Variants in ITGB5 observed in about 807,000 individuals in gnomAD.
ITGB5 encodes the protein integrin subunit beta 5.
In ITGB5, 38 loss-of-function variants were observed where a neutral mutation model predicts 84.8. The observed-to-expected ratio is 0.45, with a 90% CI of 0.35 to 0.59. ITGB5 has a LOEUF of 0.59. Among genes scored for constraint, ITGB5 ranks in the 20% least tolerant of loss-of-function variants. The pLI is 0.01. For missense variants in ITGB5, 905 were observed against 1,034.5 expected (o/e 0.87, Z 1.72); for synonymous variants, 393 against 414.4 (o/e 0.95, Z 0.63).
At chr3:124,870,005 G>A (rs966538401) in intron 2 of ITGB5, among the ~76,000 whole-genome samples, 3 of 152,144 alleles carry the variant, frequency 2.0e-5, no homozygotes, top group Non-Finnish European at 4.4e-5. Flanking sequence ...TCTCATGCAC[G>A]GATCTCATTT....
At chr3:124,840,952 C>T (rs1037707856) in intron 5 of ITGB5, among the ~76,000 whole-genome samples, 1 of 152,252 alleles carries the variant, frequency 6.6e-6, no homozygotes, top group African/African-American at 2.4e-5. Flanking sequence ...GCGTGAGCCA[C>T]CACGCCCGGC....
At chr3:124,869,943 G>A (rs1186874552) in intron 2 of ITGB5, among the ~76,000 whole-genome samples, 3 of 152,194 alleles carry the variant, frequency 2.0e-5, no homozygotes, top group African/African-American at 4.8e-5. Flanking sequence ...ACTCATGGAT[G>A]ACAGTGGCAG....
chr3:124,817,712 T>A lies in ITGB5; in HGVS notation c.1039-2A>T. 6.4e-7 allele frequency: 1 copy of A among 1,569,866 alleles called. No individual in the cohort carries two copies. The highest frequency in any genetic ancestry group is 8.7e-7 in the Non-Finnish European group (1 of 1,150,964). ...TCCAGGTATCAGGGCTGTAAAATTC[T>A]TGGGAAAAAAAGTAAAGAAAAGAAA... On this transcript the variant is annotated splice_acceptor_variant, in intron 7 of 14. Transcript: ENST00000296181. LOFTEE classifies it high-confidence loss of function.
At chr3:124,788,876 T>C (rs1289721452) in intron 10 of ITGB5, among the ~76,000 whole-genome samples, 2 of 152,328 alleles carry the variant, frequency 1.3e-5, no homozygotes, top group Non-Finnish European at 2.9e-5. Context: ...GAGGTCCCTT[T>C]CCTGGAGATT....
At chr3:124,892,985 A>G (rs957950743) in intron 1 of ITGB5, among the ~76,000 whole-genome samples, 1 of 152,176 alleles carries the variant, frequency 6.6e-6, no homozygotes, top group Non-Finnish European at 1.5e-5. Flanking sequence ...AAGGCACTTA[A>G]TTTACTCTGC....
intron 8 of ITGB5, among the ~76,000 whole-genome samples, chr3:124,816,982 G>A (rs2064607840): frequency 6.6e-6 from 1 of 152,174 alleles, no homozygotes; most frequent in South Asian, 2.1e-4. Context: ...ACTTTGGGAA[G>A]CTGAGGTGGG....
rs2064675358 is a variant in ITGB5, at chr3:124,819,957, C to T, written c.943-123G>A. 9 of 746,074 alleles carry T rather than the reference C, an allele frequency of 1.2e-5. No homozygotes were observed. The East Asian group carries it at 2.0e-4, about 16-fold the overall frequency. 46.2% of individuals were successfully genotyped at this position (746,074 alleles called of 1,614,324 possible). On this transcript the variant is annotated intron_variant, in intron 6 of 14. Coordinates refer to ENST00000296181, the MANE Select transcript of ITGB5 (RefSeq NM_002213.5). ...GAAGCACCTTTTCCTTAGGTGGCCC[C>T]TTAGAGTCCCTTAATAACTAAGCCT...
chr3:124,849,678 G>A (rs2065126459), intron 3 of ITGB5, among the ~76,000 whole-genome samples: 1 of 152,108 alleles, frequency 6.6e-6, no homozygotes, highest in Non-Finnish European at 1.5e-5. Context: ...CAGAGAAAAG[G>A]GGAATTAATT....
intron 10 of ITGB5, among the ~76,000 whole-genome samples, chr3:124,793,966 C>T (rs185602978): frequency 6.6e-6 from 1 of 152,358 alleles, no homozygotes; most frequent in Admixed American, 6.5e-5. Flanking sequence ...CCCTTGTTAA[C>T]CCACGTCTGT....
chr3:124,772,199 ATC>A (rs1184222865), intron 11 of ITGB5, among the ~76,000 whole-genome samples: 2 of 152,106 alleles, frequency 1.3e-5, no homozygotes, highest in African/African-American at 4.8e-5. Context: ...TTCTACTTGG[ATC>A]TGTTTTTTCT....
At chr3:124,858,392 G>C (rs982560540) in intron 3 of ITGB5, among the ~76,000 whole-genome samples, 1 of 152,176 alleles carries the variant, frequency 6.6e-6, no homozygotes, top group African/African-American at 2.4e-5. Context: ...AAAGTGGCGT[G>C]TTTCCTGAGC....
chr3:124,815,844 T>C (rs995491605), intron 8 of ITGB5, among the ~76,000 whole-genome samples: 1 of 152,074 alleles, frequency 6.6e-6, no homozygotes, highest in African/African-American at 2.4e-5. Context: ...CTTCCTGAAG[T>C]GTAAAGCAAA....
intron 1 of ITGB5, among the ~76,000 whole-genome samples, chr3:124,897,418 TCTTAGAGAA>T (rs1935125143): frequency 6.6e-6 from 1 of 152,148 alleles, no homozygotes; most frequent in South Asian, 2.1e-4. Flanking sequence ...TCCTTCATGT[TCTTAGAGAA>T]CTTGGTCCTT....
intron 8 of ITGB5, among the ~76,000 whole-genome samples, chr3:124,811,660 G>T (rs2064503814): frequency 6.6e-6 from 1 of 152,168 alleles, no homozygotes. Flanking sequence ...GATGGAAATG[G>T]ACTCTTATGT....
At chr3:124,773,956 A>C in intron 10 of ITGB5, 44 bp from the exon 11 acceptor site, 1 of 1,548,294 alleles carries the variant, frequency 6.5e-7, no homozygotes, top group Non-Finnish European at 8.9e-7. Context: ...TCACCTTTAC[A>C]CATGAGCACA....
chr3:124,881,048 A>G (rs934157496), intron 1 of ITGB5, among the ~76,000 whole-genome samples: 6 of 151,592 alleles, frequency 4.0e-5, no homozygotes, highest in African/African-American at 1.5e-4. Context: ...CGGTGGTGTG[A>G]TCTCAGCTCA....
At chr3:124,810,539 A>C (rs960234306) in intron 8 of ITGB5, among the ~76,000 whole-genome samples, 2 of 152,112 alleles carry the variant, frequency 1.3e-5, no homozygotes, top group African/African-American at 4.8e-5. Flanking sequence ...TCAAGGCTGC[A>C]ATGAGCTATG....
At chr3:124,811,315 A>G (rs945869016) in intron 8 of ITGB5, among the ~76,000 whole-genome samples, 2 of 152,234 alleles carry the variant, frequency 1.3e-5, no homozygotes, top group Non-Finnish European at 2.9e-5. Context: ...AGACAGATGA[A>G]TGATTTAACA....
In ITGB5 at chr3:124,769,054, CTG is replaced by C. The variant is rs1559921740; in HGVS notation, c.1974_1975del (p.His658GlnfsTer6). ...TGTGATCACCTCATCCCTGCATAGG[CTG>C]TGGCAGGTCTGGTTGTCAGGTTTCC... is the stretch of plus-strand genomic sequence containing the variant. On this transcript the variant is annotated frameshift_variant, in exon 12 of 15. Coordinates refer to ENST00000296181, the MANE Select transcript of ITGB5 (RefSeq NM_002213.5). LOFTEE classifies it high-confidence loss of function. 1 of 1,614,030 alleles carries C rather than the reference CTG, an allele frequency of 6.2e-7. No homozygotes were observed. Among genetic ancestry groups the C allele is most frequent in the Non-Finnish European group, 8.5e-7 (1 of 1,180,032 alleles).
Sources: gnomAD v4.1 joint callset for allele counts (sites outside exome capture counted in the v4.1 genomes callset) on GRCh38, gnomAD v4.1.1 for gene constraint, MANE v1.5 for transcripts, NCBI Gene and HGNC (gene_info 2026-07-23, HGNC 2026-07-21) for gene names.